The following ARID5B variants were observed in gnomAD, a reference collection of about 807,000 sequenced individuals.
ARID5B encodes the protein AT-rich interactive domain-containing protein 5B.
A neutral mutation model predicts 97.2 loss-of-function variants in ARID5B; 13 were observed. The observed-to-expected ratio is 0.13, with a 90% CI of 0.09 to 0.21. The LOEUF (loss-of-function observed/expected upper bound fraction) is 0.21. Among genes scored for constraint, ARID5B ranks in the 10% least tolerant of loss-of-function variants. The pLI, the probability that ARID5B is intolerant of heterozygous loss-of-function variation, is 1.00. For missense variants in ARID5B, 1,210 were observed against 1,465.3 expected, an observed-to-expected ratio of 0.83 and a Z score of 2.84; for synonymous variants, 556 against 570.3, an observed-to-expected ratio of 0.97 and a Z score of 0.36.
chr10:62,084,317 G>A (rs1199855869), intron 8 of ARID5B, among the ~76,000 whole-genome samples: 1 of 152,170 alleles, frequency 6.6e-6, no homozygotes, highest in African/African-American at 2.4e-5. Flanking sequence ...CATCCGTACT[G>A]TCAAACCTGA....
Position 61,942,598 on chromosome 10 carries a change from C to T in ARID5B, c.502+2190C>T, listed in dbSNP as rs185762852. Among the ~76,000 whole-genome samples the T allele has an allele frequency of 1.2e-3, 178 of 152,240 alleles. No individual in the cohort carries two copies. The Middle Eastern group carries it at 0.027, about 23-fold the overall frequency. ...CCTGAGGTCAGGAGTTCAAGACCAG[C>T]CTGGCCAACATGGTGAAACCCCATC... On this transcript the variant is annotated intron_variant, in intron 3 of 9. Coordinates refer to ENST00000279873, the MANE Select transcript of ARID5B (RefSeq NM_032199.3).
At chr10:62,052,074 T>A (rs10761601) in intron 5 of ARID5B, among the ~76,000 whole-genome samples, 1 of 152,308 alleles carries the variant, frequency 6.6e-6, no homozygotes, top group Non-Finnish European at 1.5e-5. Context: ...TTAGGAAATT[T>A]TAAGGACTTT....
intron 3 of ARID5B, among the ~76,000 whole-genome samples, chr10:61,983,824 C>A (rs1838809629): frequency 6.6e-6 from 1 of 151,266 alleles, no homozygotes; most frequent in Admixed American, 6.6e-5. Context: ...TCTGCATGAA[C>A]CCAGTCATAA....
intron 2 of ARID5B, among the ~76,000 whole-genome samples, chr10:61,934,108 T>A (rs1167192563): frequency 2.6e-5 from 4 of 152,240 alleles, no homozygotes; most frequent in Non-Finnish European, 4.4e-5. Flanking sequence ...CAGAGGCAGC[T>A]TCTTTCCTTA....
chr10:62,073,964 C>T lies in ARID5B; in HGVS notation c.1199+4167C>T, dbSNP rs540047015. The stretch of plus-strand genomic sequence containing the variant: ...ATCAGTAAAGGAACAAAAAGGAAAA[C>T]GACTACTTTTATGGAATTCTCTTAG... On this transcript the variant is annotated intron_variant, in intron 8 of 9. Coordinates refer to ENST00000279873, the MANE Select transcript of ARID5B (RefSeq NM_032199.3). 5.8e-4 allele frequency among the ~76,000 whole-genome samples: 89 copies of T among 152,216 alleles called. No individual in the cohort carries two copies. In the South Asian group the frequency reaches 0.01, roughly 17 times the overall value.
At chr10:62,069,993 GTTC>G in intron 8 of ARID5B, among the ~76,000 whole-genome samples, 196 bp downstream of exon 8, 1 of 148,968 alleles carries the variant, frequency 6.7e-6, no homozygotes, top group South Asian at 2.1e-4. Flanking sequence ...AAAATTAGAT[GTTC>G]TTTTAGTTTG....
chr10:62,010,432 G>GA (rs1839202240), intron 4 of ARID5B, among the ~76,000 whole-genome samples: 1 of 152,228 alleles, frequency 6.6e-6, no homozygotes, highest in Non-Finnish European at 1.5e-5. Context: ...GAGGGGGTAA[G>GA]AATCAACATG....
chr10:62,001,460 A>G (rs1007566209), intron 4 of ARID5B, among the ~76,000 whole-genome samples: 5 of 152,140 alleles, frequency 3.3e-5, no homozygotes, highest in African/African-American at 1.2e-4. Context: ...CCTGAGAATC[A>G]CTAGTTGGCA....
At chr10:61,963,682 G>A (rs1015399206) in intron 3 of ARID5B, among the ~76,000 whole-genome samples, 2 of 151,930 alleles carry the variant, frequency 1.3e-5, no homozygotes, top group South Asian at 2.1e-4. Flanking sequence ...TGATACATGA[G>A]GGTGTTAGTG....
At chr10:61,909,679 C>T (rs967266023) in intron 2 of ARID5B, among the ~76,000 whole-genome samples, 2 of 152,190 alleles carry the variant, frequency 1.3e-5, no homozygotes, top group Non-Finnish European at 2.9e-5. Flanking sequence ...CCTTCTTGCA[C>T]ACAGTCTACC....
intron 4 of ARID5B, among the ~76,000 whole-genome samples, chr10:62,005,747 G>A (rs1839137389): frequency 6.6e-6 from 1 of 152,180 alleles, no homozygotes; most frequent in African/African-American, 2.4e-5. Context: ...TTAATTTGAA[G>A]CATAAAGGAT....
At chr10:61,952,008 T>C (rs1838330604) in intron 3 of ARID5B, among the ~76,000 whole-genome samples, 1 of 152,224 alleles carries the variant, frequency 6.6e-6, no homozygotes, top group African/African-American at 2.4e-5. Context: ...CTCTTGTAGT[T>C]ATGCACATAG....
chr10:62,003,960 A>G (rs1276610633), intron 4 of ARID5B, among the ~76,000 whole-genome samples: 1 of 152,234 alleles, frequency 6.6e-6, no homozygotes, highest in Non-Finnish European at 1.5e-5. Flanking sequence ...GTGGAATTTT[A>G]TGAAGCTATT....
chr10:61,916,790 A>T (rs1376245203), intron 2 of ARID5B, among the ~76,000 whole-genome samples: 1 of 152,182 alleles, frequency 6.6e-6, no homozygotes, highest in African/African-American at 2.4e-5. Context: ...AAACTGCGCA[A>T]CAGCTGTATC....
chr10:61,952,383 G>A (rs942110428), intron 3 of ARID5B, among the ~76,000 whole-genome samples: 1 of 152,164 alleles, frequency 6.6e-6, no homozygotes, highest in Non-Finnish European at 1.5e-5. Flanking sequence ...CACATTTAGT[G>A]TCTCTACCAC....
intron 7 of ARID5B, among the ~76,000 whole-genome samples, chr10:62,065,096 CT>C (rs1389132982): frequency 6.6e-6 from 1 of 152,150 alleles, no homozygotes; most frequent in Non-Finnish European, 1.5e-5. Context: ...TTGAAACCCA[CT>C]ATATTTGTAA....
intron 3 of ARID5B, among the ~76,000 whole-genome samples, chr10:61,954,823 A>G (rs551540239): frequency 3.2e-4 from 49 of 152,262 alleles, no homozygotes; most frequent in African/African-American, 1.2e-3. Context: ...CCTGACCAAC[A>G]TGGAGAAAAC....
rs764012446 is a variant in ARID5B, at chr10:62,093,643, C to T, written c.*613C>T. Reference sequence around the variant, plus strand: ...AGGTAGTTCCATTTTCTCCCAGTTCCTTCTCGTCTTTTTTTTTTTTTTTTT... The same window carrying T: ...AGGTAGTTCCATTTTCTCCCAGTTCTTTCTCGTCTTTTTTTTTTTTTTTTT... On this transcript the variant is annotated 3_prime_UTR_variant, in exon 10 of 10. Coordinates refer to ENST00000279873, the MANE Select transcript of ARID5B (RefSeq NM_032199.3). 4 of 218,768 alleles carry T rather than the reference C, an allele frequency of 1.8e-5. No individual in the cohort carries two copies. The highest frequency in any genetic ancestry group is 3.5e-5 in the Non-Finnish European group (4 of 114,408). The allele number at this position is 218,768 out of a possible 1,614,324, so 13.6% of individuals were successfully genotyped here.
rs1043479342 is a variant in ARID5B at position 62,093,906 on chromosome 10, G to A, written c.*876G>A. 3.0e-5 allele frequency: 7 copies of A among 233,452 alleles called. No homozygotes were observed. The highest frequency in any genetic ancestry group is 8.8e-5 in the African/African-American group (4 of 45,352). The allele number at this position is 233,452 out of a possible 1,614,324, so 14.5% of individuals were successfully genotyped here. A position where few individuals can be genotyped will look rare whatever the true frequency, so the allele number is the denominator to read the frequency against. On this transcript the variant is annotated 3_prime_UTR_variant, in exon 10 of 10. Transcript: ENST00000279873. ...GCAAAGAACGTTCCTTTGTAGATCC[G>A]CAACTTAAGGATTTTGTTCCTCATA... is the stretch of plus-strand genomic sequence containing the variant.
Sources: gnomAD v4.1 joint callset for allele counts (sites outside exome capture counted in the v4.1 genomes callset) on GRCh38, gnomAD v4.1.1 for gene constraint, MANE v1.5 for transcripts, NCBI Gene and HGNC (gene_info 2026-07-23, HGNC 2026-07-21) for gene names.